FAT4: variants seen among roughly 807,000 people sequenced by gnomAD.
The protein encoded by FAT4 is protocadherin Fat 4.
A neutral mutation model predicts 303.9 loss-of-function variants in FAT4; 84 were observed. The observed-to-expected ratio is 0.28, with a 90% CI of 0.23 to 0.33. The LOEUF is 0.33. FAT4 is among the 10% of genes least tolerant of loss of function. The probability of loss-of-function intolerance (pLI) is 1.00; values close to 1 mark genes in which losing one functional copy is unlikely to be tolerated. For synonymous variants in FAT4, 2,307 were observed against 2,298.8 expected, an observed-to-expected ratio of 1.00 and a Z score of -0.10; for missense variants, 6,005 against 6,146.8, an observed-to-expected ratio of 0.98 and a Z score of 0.77.
rs1483343881 is a variant in FAT4 at position 125,475,814 on chromosome 4, G to A, written c.12214-357G>A. Reference sequence around the variant, plus strand: ...CATAGCTTGACAGTACAATAAACACGTTTCTTAAGATTGTAATCTACAGGA... The same window carrying A: ...CATAGCTTGACAGTACAATAAACACATTTCTTAAGATTGTAATCTACAGGA... On this transcript the variant is annotated intron_variant, in intron 12 of 17. Transcript: ENST00000394329. Among the ~76,000 whole-genome samples, 4 of 151,896 alleles carry A rather than the reference G, an allele frequency of 2.6e-5. No homozygotes were observed. The East Asian group carries it at 5.8e-4, about 22-fold the overall frequency.
intron 10 of FAT4, among the ~76,000 whole-genome samples, chr4:125,462,993 A>G (rs1364016112): frequency 6.6e-6 from 1 of 152,044 alleles, no homozygotes; most frequent in African/African-American, 2.4e-5. Context: ...GACAAAAGAC[A>G]AAGTATACAT....
At chr4:125,328,674 C>T (rs533846285) in intron 2 of FAT4, among the ~76,000 whole-genome samples, 2 of 152,170 alleles carry the variant, frequency 1.3e-5, no homozygotes, top group Non-Finnish European at 2.9e-5. Context: ...TATTGTTAGA[C>T]ACTGGTAAAC....
chr4:125,347,438 G>GC (rs1003928039), intron 2 of FAT4, among the ~76,000 whole-genome samples: 60 of 151,372 alleles, frequency 4.0e-4, no homozygotes, highest in African/African-American at 1.4e-3. Context: ...TTCTAGAACT[G>GC]CCCTTCTTTT....
intron 2 of FAT4, among the ~76,000 whole-genome samples, chr4:125,372,980 C>T (rs868783778): frequency 1.3e-5 from 2 of 152,180 alleles, no homozygotes; most frequent in Middle Eastern, 3.4e-3. Flanking sequence ...CCGACAACTT[C>T]GCTGTTTAAA....
In FAT4 at chr4:125,321,213, T is replaced by C. The variant is rs1358584622; in HGVS notation, c.4802T>C (p.Val1601Ala). 3 of 1,614,140 alleles carry C rather than the reference T, an allele frequency of 1.9e-6. No individual in the cohort carries two copies. Among genetic ancestry groups the C allele is most frequent in the East Asian group, 4.5e-5 (2 of 44,876 alleles). Residue 1601 changes from valine to alanine, a missense_variant, in exon 2 of 18, where the codon GTT becomes GCT. Val to Ala is a moderately conservative substitution (Grantham distance 64, BLOSUM62 0). Coordinates refer to ENST00000394329, the MANE Select transcript of FAT4 (RefSeq NM_001291303.3). ...VPSQLIYNLI[V>A]SATDLGPERR... ...TCACAGTTGATCTACAATCTCATAG[T>C]TTCAGCAACAGACCTTGGGCCTGAA... is the stretch of plus-strand genomic sequence containing the variant.
intron 2 of FAT4, among the ~76,000 whole-genome samples, chr4:125,334,800 A>C (rs986981210): frequency 2.0e-5 from 3 of 152,186 alleles, no homozygotes; most frequent in African/African-American, 4.8e-5. Flanking sequence ...TTAATTGCAC[A>C]AAAGTTAACC....
At chr4:125,362,042 G>C (rs1374858373) in intron 2 of FAT4, among the ~76,000 whole-genome samples, 4 of 151,994 alleles carry the variant, frequency 2.6e-5, no homozygotes, top group African/African-American at 9.7e-5. Flanking sequence ...AAAGACCTTT[G>C]AAATTTGCTT....
At chr4:125,461,254 A>C (rs1424565944) in intron 10 of FAT4, among the ~76,000 whole-genome samples, 1 of 152,080 alleles carries the variant, frequency 6.6e-6, no homozygotes, top group Non-Finnish European at 1.5e-5. Context: ...ATAATTATAC[A>C]CAAAAAGAAC....
intron 8 of FAT4, among the ~76,000 whole-genome samples, chr4:125,442,815 C>G (rs1233094483): frequency 5.9e-5 from 9 of 152,030 alleles, no homozygotes; most frequent in Admixed American, 5.9e-4. Context: ...ATGTAATAGA[C>G]TATTACGTTA....
intron 2 of FAT4, among the ~76,000 whole-genome samples, chr4:125,356,083 C>A (rs1358791648): frequency 6.6e-6 from 1 of 151,928 alleles, no homozygotes; most frequent in East Asian, 1.9e-4. Flanking sequence ...CTGCATGCAT[C>A]ACTTTGAATG....
chr4:125,424,306 G>A (rs970260457), intron 7 of FAT4, among the ~76,000 whole-genome samples: 1 of 152,136 alleles, frequency 6.6e-6, no homozygotes, highest in Non-Finnish European at 1.5e-5. Context: ...TCTCCTAATA[G>A]TGAGTGAGTT....
chr4:125,372,919 A>G lies in FAT4; in HGVS notation c.5176-25865A>G, dbSNP rs964275946. Among the ~76,000 whole-genome samples the G allele has an allele frequency of 3.3e-5, 5 of 152,300 alleles. No individual in the cohort carries two copies. The South Asian group carries it at 8.3e-4, about 25-fold the overall frequency. On this transcript the variant is annotated intron_variant, in intron 2 of 17. Transcript: ENST00000394329. ...ATTTAGAATTTAATACTAACAGTCT[A>G]TGCTCTCATGGATGTTTTATGTAGT...
In FAT4 at chr4:125,347,452, A is replaced by G. The variant is rs562530312; in HGVS notation, c.5175+25866A>G. On this transcript the variant is annotated intron_variant, in intron 2 of 17. Transcript: ENST00000394329. ...TTTCTAGAACTGCCCTTCTTTTTCC[A>G]GTACCTCTTCAGTTTATTGACCTTT... Among the ~76,000 whole-genome samples, 6 of 151,560 alleles carry G rather than the reference A, an allele frequency of 4.0e-5. No individual in the cohort carries two copies. The South Asian group carries it at 1.0e-3, about 26-fold the overall frequency.
chr4:125,398,697 G>T, intron 2 of FAT4, 87 bp from the exon 3 acceptor site: 1 of 1,354,234 alleles, frequency 7.4e-7, no homozygotes. Context: ...TGGCAGTCTT[G>T]ATTGCGTGGA....
intron 2 of FAT4, among the ~76,000 whole-genome samples, chr4:125,352,941 C>A (rs1036515105): frequency 1.3e-5 from 2 of 151,712 alleles, no homozygotes; most frequent in Middle Eastern, 3.2e-3. Context: ...CAGCAGAATG[C>A]CTTGGACATA....
chr4:125,348,323 A>G (rs997340294), intron 2 of FAT4, among the ~76,000 whole-genome samples: 2 of 151,802 alleles, frequency 1.3e-5, no homozygotes, highest in Non-Finnish European at 2.9e-5. Context: ...CAGAGAACAC[A>G]ACAAAATAGT....
At chr4:125,353,730 C>T (rs1303353155) in intron 2 of FAT4, among the ~76,000 whole-genome samples, 1 of 151,564 alleles carries the variant, frequency 6.6e-6, no homozygotes, top group African/African-American at 2.4e-5. Context: ...GACTTATATG[C>T]ATACATACTT....
chr4:125,363,348 G>A (rs1385112970), intron 2 of FAT4, among the ~76,000 whole-genome samples: 1 of 151,764 alleles, frequency 6.6e-6, no homozygotes, highest in African/African-American at 2.4e-5. Context: ...TTTGTATTCA[G>A]CTATAATTCC....
At chr4:125,414,827 A>G in intron 5 of FAT4, 57 bp from the exon 6 acceptor site, 7 of 1,211,830 alleles carry the variant, frequency 5.8e-6, no homozygotes, top group Middle Eastern at 2.0e-4. Flanking sequence ...GTTTTGGTAT[A>G]GCTTGTTCTG....
Sources: allele counts gnomAD v4.1 joint callset (sites outside exome capture counted in the v4.1 genomes callset), GRCh38; gene constraint gnomAD v4.1.1; transcripts MANE v1.5; gene names NCBI Gene and HGNC (gene_info 2026-07-23, HGNC 2026-07-21).